The following AIG1 variants were observed in gnomAD, a reference collection of about 807,000 sequenced individuals.
AIG1 encodes the protein androgen induced 1.
AIG1 carries 23 observed loss-of-function variants against 31.4 expected under a neutral mutation model. The observed-to-expected ratio is 0.73, with a 90% CI of 0.53 to 1.04. The LOEUF (loss-of-function observed/expected upper bound fraction) is 1.04, where lower values mean the gene tolerates loss of function less well. Among genes scored for constraint, AIG1 ranks in the 50% least tolerant of loss-of-function variants. The pLI is 0.00. For missense variants in AIG1, 274 were observed against 295.0 expected (o/e 0.93, Z 0.52); for synonymous variants, 100 against 110.5 (o/e 0.90, Z 0.60).
At chr6:143,248,099 A>G (rs1366491309) in intron 3 of AIG1, among the ~76,000 whole-genome samples, 13 of 152,328 alleles carry the variant, frequency 8.5e-5, no homozygotes, top group Non-Finnish European at 2.9e-5. Context: ...TCTTATGACT[A>G]TTGAGAGTCA....
At chr6:143,106,867 G>A (rs986891162) in intron 1 of AIG1, among the ~76,000 whole-genome samples, 11 of 152,140 alleles carry the variant, frequency 7.2e-5, no homozygotes, top group African/African-American at 2.7e-4. Context: ...AAGGAATGAT[G>A]GCTTCCTAGT....
chr6:143,277,927 G>T (rs1797061828), intron 3 of AIG1, among the ~76,000 whole-genome samples: 1 of 152,206 alleles, frequency 6.6e-6, no homozygotes, highest in South Asian at 2.1e-4. Flanking sequence ...ATCTAAAATA[G>T]TCTTGAGAGC....
At chr6:143,070,990 A>G (rs1163025465) in intron 1 of AIG1, among the ~76,000 whole-genome samples, 1 of 152,250 alleles carries the variant, frequency 6.6e-6, no homozygotes, top group Non-Finnish European at 1.5e-5. Flanking sequence ...ACTGTATTAT[A>G]ATATCACAAC....
At chr6:143,254,722 G>A (rs1244262075) in intron 3 of AIG1, among the ~76,000 whole-genome samples, 2 of 152,126 alleles carry the variant, frequency 1.3e-5, no homozygotes, top group African/African-American at 4.8e-5. Context: ...CTTAAAAATA[G>A]CCTCTTCTTG....
At chr6:143,095,830 T>C (rs776989286) in intron 1 of AIG1, among the ~76,000 whole-genome samples, 1 of 151,704 alleles carries the variant, frequency 6.6e-6, no homozygotes, top group East Asian at 1.9e-4. Flanking sequence ...AAAACTAAAA[T>C]GTCACTAATT....
At chr6:143,341,872 T>A (rs1777863736), downstream of AIG1, among the ~76,000 whole-genome samples, 1 of 152,206 alleles carries the variant, frequency 6.6e-6, no homozygotes, top group Non-Finnish European at 1.5e-5. Context: ...CCAGAAGTCT[T>A]TTTGCTGGAG....
chr6:143,309,614 G>T (rs542105982), intron 4 of AIG1, among the ~76,000 whole-genome samples: 69 of 152,066 alleles, frequency 4.5e-4, no homozygotes, highest in African/African-American at 1.6e-3. Flanking sequence ...TGAATAGAAA[G>T]CAGTTAAAAT....
chr6:143,210,048 C>T (rs1311047462), intron 3 of AIG1, among the ~76,000 whole-genome samples: 2 of 152,150 alleles, frequency 1.3e-5, no homozygotes, highest in Admixed American at 1.3e-4. Flanking sequence ...ATGGGAGGGA[C>T]CTGGTGGGAG....
At chr6:143,263,275 G>GTTTTTTTT (rs34950112) in intron 3 of AIG1, among the ~76,000 whole-genome samples, 2 of 146,560 alleles carry the variant, frequency 1.4e-5, no homozygotes, top group African/African-American at 2.5e-5. Context: ...TCCTTTATTT[G>GTTTTTTTT]TTTTTTTTTT....
intron 3 of AIG1, among the ~76,000 whole-genome samples, chr6:143,177,184 A>C (rs932468939): frequency 6.6e-6 from 1 of 152,142 alleles, no homozygotes; most frequent in Non-Finnish European, 1.5e-5. Flanking sequence ...AAAATTTCTC[A>C]TTCAGATTAT....
At chr6:143,189,650 T>C in intron 3 of AIG1, 1 of 985,390 alleles carries the variant, frequency 1.0e-6, no homozygotes. Flanking sequence ...TAAAGTTGAT[T>C]TGCTTTAAAT....
intron 1 of AIG1, among the ~76,000 whole-genome samples, chr6:143,126,928 G>A (rs1483199018): frequency 6.6e-5 from 10 of 151,988 alleles, no homozygotes; most frequent in Non-Finnish European, 1.5e-5. Context: ...CGGGACTATA[G>A]TACCTATATA....
At chr6:143,147,333 G>GA (rs1784797782) in intron 2 of AIG1, among the ~76,000 whole-genome samples, 1 of 152,044 alleles carries the variant, frequency 6.6e-6, no homozygotes. Flanking sequence ...TGTGAAATAA[G>GA]AAAAAATCCT....
Position 143,339,800 on chromosome 6 carries a change from A to C in AIG1, c.*124A>C. 3.6e-6 allele frequency: 3 copies of C among 829,686 alleles called. No individual in the cohort carries two copies. The highest frequency in any genetic ancestry group is 3.8e-6 in the Non-Finnish European group (2 of 525,804). 51.4% of individuals were successfully genotyped at this position (829,686 alleles called of 1,614,324 possible). On this transcript the variant is annotated 3_prime_UTR_variant, in exon 6 of 6. Transcript: ENST00000357847. Reference sequence around the variant, plus strand: ...GTGGCATCAGCACCCCCCTCCCCCAATGAGGACACCTTTTATATATAAATA... The same window carrying C: ...GTGGCATCAGCACCCCCCTCCCCCACTGAGGACACCTTTTATATATAAATA...
chr6:143,252,679 T>G (rs1039961036), intron 3 of AIG1, among the ~76,000 whole-genome samples: 2 of 152,246 alleles, frequency 1.3e-5, no homozygotes, highest in African/African-American at 4.8e-5. Flanking sequence ...GATCGTTTTC[T>G]GTTTTGCCCC....
chr6:143,238,002 A>G (rs1201459135), intron 3 of AIG1, among the ~76,000 whole-genome samples: 1 of 152,078 alleles, frequency 6.6e-6, no homozygotes, highest in African/African-American at 2.4e-5. Flanking sequence ...GTGCAGTGGC[A>G]CGATCTCAGC....
intron 3 of AIG1, among the ~76,000 whole-genome samples, chr6:143,257,102 A>G (rs1185446024): frequency 1.3e-5 from 2 of 152,230 alleles, no homozygotes; most frequent in African/African-American, 4.8e-5. Flanking sequence ...GAATCACGTC[A>G]AAGCTCCCAT....
chr6:143,173,066 G>GT (rs1011750665), intron 3 of AIG1, among the ~76,000 whole-genome samples: 27 of 149,440 alleles, frequency 1.8e-4, no homozygotes, highest in African/African-American at 2.5e-4. Flanking sequence ...ACTTCATTTA[G>GT]TTTTTTTTTG....
chr6:143,237,818 A>G (rs371210395), intron 3 of AIG1, among the ~76,000 whole-genome samples: 7 of 152,368 alleles, frequency 4.6e-5, no homozygotes, highest in African/African-American at 1.7e-4. Flanking sequence ...GAGAGAAAAC[A>G]TGACCAAAAG....
Sources: allele counts gnomAD v4.1 joint callset (sites outside exome capture counted in the v4.1 genomes callset), GRCh38; gene constraint gnomAD v4.1.1; transcripts MANE v1.5; gene names NCBI Gene and HGNC (gene_info 2026-07-23, HGNC 2026-07-21).